AFDN: variants seen among roughly 807,000 people sequenced by gnomAD.
AFDN encodes afadin, adherens junction formation factor, also known as afadin.
Under a neutral mutation model 216.6 loss-of-function variants are expected in AFDN, and 68 were observed. The observed-to-expected ratio is 0.31, with a 90% CI of 0.26 to 0.38. The LOEUF (loss-of-function observed/expected upper bound fraction) is 0.38, where lower values mean the gene tolerates loss of function less well. Ranked by LOEUF, AFDN falls within the 10% of genes least tolerant of loss-of-function variation. The pLI, the probability that AFDN is intolerant of heterozygous loss-of-function variation, is 1.00. For synonymous variants in AFDN, 868 were observed against 853.7 expected, an observed-to-expected ratio of 1.02 and a Z score of -0.29; for missense variants, 2,136 against 2,342.0, an observed-to-expected ratio of 0.91 and a Z score of 1.82.
chr6:167,946,675 C>T, intron 26 of AFDN, 32 bp from the exon 27 acceptor site: 1 of 1,590,006 alleles, frequency 6.3e-7, no homozygotes, highest in Non-Finnish European at 8.6e-7. Context: ...AAAATAAAAT[C>T]TTAAGAGATA....
At position 167,868,762 on chromosome 6, in the gene AFDN, C is replaced by CTTT. The variant is rs35300672; in HGVS notation, c.302-1608_302-1606dup. On this transcript the variant is annotated intron_variant, in intron 2 of 33. Transcript: ENST00000683244. ...TTTACTATCATCAGCATTGTGCAAT[C>CTTT]TTTTTTTTTTTTTTTTTTGAGACAG... Among the ~76,000 whole-genome samples, 438 of 122,510 alleles carry CTTT rather than the reference C, an allele frequency of 3.6e-3. 9 individuals carry two copies. Among genetic ancestry groups the CTTT allele is most frequent in the South Asian group, 9.6e-3 (36 of 3,768 alleles). The allele number at this position is 122,510 out of a possible 152,430, so 80.4% of individuals were successfully genotyped here.
intron 23 of AFDN, among the ~76,000 whole-genome samples, chr6:167,931,456 A>G (rs1224376063): frequency 1.3e-5 from 2 of 152,160 alleles, no homozygotes; most frequent in East Asian, 3.8e-4. Context: ...CAGCATATAG[A>G]TGCTCTGAAG....
intron 30 of AFDN, among the ~76,000 whole-genome samples, chr6:167,957,816 A>C (rs1462374168): frequency 6.6e-6 from 1 of 152,126 alleles, no homozygotes; most frequent in Non-Finnish European, 1.5e-5. Context: ...ACCTGATGAC[A>C]AGGTGTGTGA....
chr6:167,841,401 C>CA (rs1024779264), intron 1 of AFDN, among the ~76,000 whole-genome samples: 7 of 151,788 alleles, frequency 4.6e-5, no homozygotes, highest in African/African-American at 1.2e-4. Context: ...GAACCTAGGA[C>CA]AGAAAGCCTG....
intron 19 of AFDN, 145 bp downstream of exon 19, chr6:167,915,578 G>A: frequency 4.4e-6 from 4 of 903,814 alleles, no homozygotes; most frequent in Non-Finnish European, 3.2e-6. Context: ...GTAGTGCTAT[G>A]TGAGTACTTG....
intron 1 of AFDN, among the ~76,000 whole-genome samples, chr6:167,843,759 G>A (rs2128138470): frequency 6.6e-6 from 1 of 152,266 alleles, no homozygotes; most frequent in South Asian, 2.1e-4. Flanking sequence ...TCATGATTTG[G>A]TAGTACATTG....
chr6:167,928,074 C>T (rs1792799644), intron 23 of AFDN, among the ~76,000 whole-genome samples: 1 of 152,126 alleles, frequency 6.6e-6, no homozygotes, highest in South Asian at 2.1e-4. Context: ...GATCAGTGTC[C>T]ACCTCTTCCA....
intron 1 of AFDN, among the ~76,000 whole-genome samples, chr6:167,829,439 G>T (rs147490813): frequency 4.6e-4 from 70 of 151,874 alleles, no homozygotes; most frequent in African/African-American, 1.7e-3. Flanking sequence ...CTAAGCTCGT[G>T]TGAATTTTTT....
chr6:167,905,333 A>G (rs1789526308), intron 12 of AFDN, among the ~76,000 whole-genome samples: 1 of 152,244 alleles, frequency 6.6e-6, no homozygotes, highest in South Asian at 2.1e-4. Flanking sequence ...CCTGCTGTGT[A>G]GAAGACTCTT....
intron 1 of AFDN, among the ~76,000 whole-genome samples, chr6:167,856,324 G>T (rs1235759279): frequency 1.3e-5 from 2 of 151,942 alleles, no homozygotes; most frequent in African/African-American, 4.8e-5. Flanking sequence ...AAAACCTGTA[G>T]TATATATAGA....
chr6:167,862,899 A>G (rs1783754747), intron 1 of AFDN, among the ~76,000 whole-genome samples: 1 of 152,150 alleles, frequency 6.6e-6, no homozygotes, highest in African/African-American at 2.4e-5. Context: ...TCCAGAATCT[A>G]TGGGTAAGTG....
chr6:167,850,071 G>T (rs1223057471), intron 1 of AFDN, among the ~76,000 whole-genome samples: 2 of 152,182 alleles, frequency 1.3e-5, no homozygotes, highest in African/African-American at 4.8e-5. Context: ...GGAGGTACCG[G>T]TTGGCACCAA....
At chr6:167,860,293 G>A (rs1783413702) in intron 1 of AFDN, among the ~76,000 whole-genome samples, 1 of 144,076 alleles carries the variant, frequency 6.9e-6, no homozygotes, top group South Asian at 2.2e-4. Context: ...TTTAAGTTTT[G>A]CTTTCCAGCA....
chr6:167,877,760 G>A (rs1186036475), intron 5 of AFDN, among the ~76,000 whole-genome samples: 1 of 152,142 alleles, frequency 6.6e-6, no homozygotes, highest in Non-Finnish European at 1.5e-5. Context: ...GGAGACAAGG[G>A]CACCTGTGAA....
At chr6:167,952,651 G>A in intron 30 of AFDN, 1 of 214,330 alleles carries the variant, frequency 4.7e-6, no homozygotes, top group Non-Finnish European at 8.0e-6. Flanking sequence ...AAACACATGG[G>A]TGTGTCTCTG....
intron 1 of AFDN, among the ~76,000 whole-genome samples, chr6:167,852,321 G>T (rs759060015): frequency 1.3e-5 from 2 of 152,104 alleles, no homozygotes; most frequent in African/African-American, 2.4e-5. Context: ...TTTATTTCAT[G>T]CCATACACTT....
chr6:167,874,617 T>C (rs1022445057), intron 4 of AFDN, among the ~76,000 whole-genome samples: 14 of 149,154 alleles, frequency 9.4e-5, no homozygotes, highest in Non-Finnish European at 1.5e-4. Flanking sequence ...ATAATTTTTT[T>C]TTTTTTTTTT....
At chr6:167,861,451 C>T (rs1013191645) in intron 1 of AFDN, among the ~76,000 whole-genome samples, 18 of 152,154 alleles carry the variant, frequency 1.2e-4, no homozygotes, top group African/African-American at 4.1e-4. Context: ...ATGAGGACAC[C>T]AGTATCTCCT....
chr6:167,913,954 G>T, intron 16 of AFDN: 3 of 548,876 alleles, frequency 5.5e-6, no homozygotes, highest in South Asian at 5.1e-5. Flanking sequence ...ATGTCTATGT[G>T]CATGAATCCT....
Sources: allele counts gnomAD v4.1 joint callset (sites outside exome capture counted in the v4.1 genomes callset), GRCh38; gene constraint gnomAD v4.1.1; transcripts MANE v1.5; gene names NCBI Gene and HGNC (gene_info 2026-07-23, HGNC 2026-07-21).